The following PLA2G4C variants were observed in gnomAD, a reference collection of about 807,000 sequenced individuals.
The protein encoded by PLA2G4C is phospholipase A2 group IVC.
In PLA2G4C, 64 loss-of-function variants were observed where a neutral mutation model predicts 73.8. The observed-to-expected ratio is 0.87, with a 90% CI of 0.71 to 1.07. The LOEUF (loss-of-function observed/expected upper bound fraction) is 1.07. Ranked by LOEUF, PLA2G4C falls within the 50% of genes least tolerant of loss-of-function variation. The pLI, the probability that PLA2G4C is intolerant of heterozygous loss-of-function variation, is 0.00. For synonymous variants in PLA2G4C, 254 were observed against 252.1 expected (o/e 1.01, Z -0.07); for missense variants, 622 against 665.4 (o/e 0.93, Z 0.72).
At chr19:48,074,110 C>T (rs2029970898) in intron 12 of PLA2G4C, among the ~76,000 whole-genome samples, 1 of 152,082 alleles carries the variant, frequency 6.6e-6, no homozygotes, top group Non-Finnish European at 1.5e-5. Context: ...CATGCATTAG[C>T]TAATTTTCCT....
chr19:48,071,548 T>C (rs11667670), intron 12 of PLA2G4C, among the ~76,000 whole-genome samples: 69,809 of 151,432 alleles, frequency 0.46, 16,192 homozygotes, highest in South Asian at 0.48. Flanking sequence ...CCGCCCACCT[T>C]GGCCTCTCAA....
intron 4 of PLA2G4C, among the ~76,000 whole-genome samples, chr19:48,102,292 A>G (rs1600256564): frequency 6.6e-6 from 1 of 151,694 alleles, no homozygotes; most frequent in Non-Finnish European, 1.5e-5. Context: ...GAAGTTTGAG[A>G]CCAGCCTGGC....
intron 1 of PLA2G4C, among the ~76,000 whole-genome samples, chr19:48,109,326 C>G (rs1373588812): frequency 1.3e-5 from 2 of 152,038 alleles, no homozygotes; most frequent in Non-Finnish European, 2.9e-5. Context: ...GGCTGGAGTG[C>G]AGTGGTGTGA....
chr19:48,085,278 C>T (rs111654557), intron 9 of PLA2G4C, among the ~76,000 whole-genome samples, 166 bp from the exon 10 acceptor site: 6 of 152,278 alleles, frequency 3.9e-5, no homozygotes, highest in Admixed American at 2.0e-4. Context: ...AGTGGGCACC[C>T]GGCACTCTTC....
At chr19:48,051,570 CGA>C (rs71181636) in intron 16 of PLA2G4C, among the ~76,000 whole-genome samples, 428 of 150,330 alleles carry the variant, frequency 2.8e-3, no homozygotes, top group Middle Eastern at 0.01. Context: ...AGAGAGAGAT[CGA>C]GAGAGAGAGA....
At chr19:48,106,675 AC>A in intron 1 of PLA2G4C, 114 bp from the exon 2 acceptor site, 2 of 776,724 alleles carry the variant, frequency 2.6e-6, no homozygotes, top group Non-Finnish European at 4.5e-6. Flanking sequence ...CACTGCCCAG[AC>A]AAAACCAATG....
chr19:48,084,138 C>A (rs1003017412), intron 10 of PLA2G4C, among the ~76,000 whole-genome samples: 4 of 151,570 alleles, frequency 2.6e-5, no homozygotes, highest in African/African-American at 4.8e-5. Context: ...TAGCTCACTG[C>A]AGCCTTTGCC....
intron 7 of PLA2G4C, 107 bp downstream of exon 7, chr19:48,095,357 T>TC (rs1223212071): frequency 2.1e-5 from 22 of 1,038,382 alleles, no homozygotes; most frequent in Admixed American, 1.9e-4. Context: ...TCCTTTTCTT[T>TC]CCCCCAAGAA....
At chr19:48,073,370 A>T (rs2029922149) in intron 12 of PLA2G4C, among the ~76,000 whole-genome samples, 1 of 152,054 alleles carries the variant, frequency 6.6e-6, no homozygotes, top group Non-Finnish European at 1.5e-5. Context: ...AAATTAGCCC[A>T]GTCGGGGATG....
rs774438749 is a variant in PLA2G4C, at chr19:48,106,548, A to T, written c.-19T>A. ...TTCCCATGGTGCACTGCGGTCAGAA[A>T]ATTCTCAGTCCTCCTGCCAAAGAAA... On this transcript the variant is annotated 5_prime_UTR_variant, in exon 2 of 17. Coordinates refer to ENST00000599921, the MANE Select transcript of PLA2G4C (RefSeq NM_003706.3). 104 of 1,613,218 alleles carry T rather than the reference A, an allele frequency of 6.4e-5. 1 individual carries two copies. The South Asian group carries it at 1.1e-3, about 18-fold the overall frequency.
chr19:48,070,997 T>C (rs914314430), intron 12 of PLA2G4C, among the ~76,000 whole-genome samples: 3 of 152,174 alleles, frequency 2.0e-5, no homozygotes, highest in Non-Finnish European at 4.4e-5. Flanking sequence ...AGCCAATTTG[T>C]TAAAATAAAT....
At chr19:48,101,696 T>C (rs143193856) in intron 4 of PLA2G4C, among the ~76,000 whole-genome samples, 17,523 of 143,628 alleles carry the variant, frequency 0.12, 1,167 homozygotes, top group African/African-American at 0.15. Context: ...TTTTTTGAGA[T>C]GGAGTTTCAC....
rs1441589323 is a variant in PLA2G4C at position 48,072,132 on chromosome 19, C to T, written c.1006+2635G>A. The stretch of plus-strand genomic sequence containing the variant: ...CCGCACTCCAGCTTGGGTGACAGAG[C>T]GAGACTCCATCTCAAACAAACAAAC... On this transcript the variant is annotated intron_variant, in intron 12 of 16. Transcript: ENST00000599921. This position sits in a 1 kb window ranked among gnomAD's most constrained non-coding sequence, Gnocchi z 4.4. 2.0e-5 allele frequency among the ~76,000 whole-genome samples: 3 copies of T among 151,806 alleles called. No homozygotes were observed. The highest frequency in any genetic ancestry group is 7.3e-5 in the African/African-American group (3 of 41,338).
At chr19:48,053,222 T>G (rs1967792291) in intron 15 of PLA2G4C, 75 bp from the exon 16 acceptor site, 1 of 1,219,094 alleles carries the variant, frequency 8.2e-7, no homozygotes, top group Admixed American at 2.1e-5. Context: ...TTTGTCTATT[T>G]ACATCAGGGC....
In PLA2G4C at chr19:48,105,377, G is replaced by A. The variant is rs1297590655; in HGVS notation, c.76C>T (p.His26Tyr). 2.0e-5 allele frequency: 33 copies of A among 1,613,844 alleles called. No homozygotes were observed. The highest frequency in any genetic ancestry group is 2.7e-5 in the Non-Finnish European group (32 of 1,179,928). Residue 26 changes from histidine to tyrosine, a missense_variant, in exon 3 of 17, where the codon CAT (histidine) becomes TAT (tyrosine). By Grantham distance (83) the His-to-Tyr change is moderately conservative (BLOSUM62 2). Transcript: ENST00000599921. ...EKAAVERRRL[H>Y]VLKALKKLRI... ...AGCTTCTTCAGAGCTTTCAGCACATGAAGTCTTCGTCTCTCCACGGCCGCC... is the reference window on the plus strand; with the variant it reads ...AGCTTCTTCAGAGCTTTCAGCACATAAAGTCTTCGTCTCTCCACGGCCGCC...
chr19:48,110,680 T>A lies in PLA2G4C; in HGVS notation c.-226A>T. 4.1e-6 allele frequency: 2 copies of A among 485,478 alleles called. No homozygotes were observed. The highest frequency in any genetic ancestry group is 3.4e-6 in the Non-Finnish European group (1 of 298,082). The allele number at this position is 485,478 out of a possible 1,614,324, so 30.1% of individuals were successfully genotyped here. On this transcript the variant is annotated 5_prime_UTR_variant, in exon 1 of 17. Transcript: ENST00000599921. Reference sequence around the variant, plus strand: ...GGTCCTCCTGCTTTCCTTTTCCCCCTGTGGGAGGAGGTCGCGGGCTGGAGG... The same window carrying A: ...GGTCCTCCTGCTTTCCTTTTCCCCCAGTGGGAGGAGGTCGCGGGCTGGAGG...
chr19:48,074,954 C>A, intron 11 of PLA2G4C, 80 bp from the exon 12 acceptor site: 2 of 895,392 alleles, frequency 2.2e-6, no homozygotes, highest in South Asian at 3.2e-5. Flanking sequence ...TCTGCCTCAT[C>A]TTCTGCAATG....
At position 48,099,750 on chromosome 19, in the gene PLA2G4C, G is replaced by T; in HGVS notation, c.368C>A (p.Thr123Asn). ...EWDLAKSLQK[T>N]IQAARSENYS... is the part of the protein sequence containing the mutation. ...ATTCTCAGACCTCGCTGCTTGGATG[G>T]TTTTCTGTAGGCTCTTAGCCAAGTC... Residue 123 changes from threonine (T) to asparagine (N), a missense_variant, in exon 5 of 17, where the codon ACC becomes AAC. Coordinates refer to ENST00000599921, the MANE Select transcript of PLA2G4C (RefSeq NM_003706.3). 6.2e-7 allele frequency: 1 copy of T among 1,614,042 alleles called. No individual in the cohort carries two copies. The highest frequency in any genetic ancestry group is 1.7e-5 in the Admixed American group (1 of 59,998).
At chr19:48,071,356 TCTC>T (rs1223874447) in intron 12 of PLA2G4C, among the ~76,000 whole-genome samples, 1 of 152,154 alleles carries the variant, frequency 6.6e-6, no homozygotes, top group East Asian at 1.9e-4. Context: ...AATGGCGTGA[TCTC>T]AGCTCACTGC....
Sources: gnomAD v4.1 joint callset for allele counts (sites outside exome capture counted in the v4.1 genomes callset) on GRCh38, gnomAD v4.1.1 for gene constraint, Gnocchi (gnomAD v3.1) non-coding constraint, MANE v1.5 for transcripts, NCBI Gene and HGNC (gene_info 2026-07-23, HGNC 2026-07-21) for gene names.